The following BRD7 variants were observed in gnomAD, a reference collection of about 807,000 sequenced individuals.
The protein encoded by BRD7 is bromodomain-containing protein 7.
Under a neutral mutation model 82.1 loss-of-function variants are expected in BRD7, and 15 were observed. The ratio of observed to expected loss-of-function variants is 0.18; its 90% CI spans 0.12 to 0.28. BRD7 has a LOEUF of 0.28. Ranked by LOEUF, BRD7 falls within the 10% of genes least tolerant of loss-of-function variation. The pLI is 1.00. For synonymous variants in BRD7, 232 were observed against 266.9 expected (o/e 0.87, Z 1.27); for missense variants, 638 against 779.9 (o/e 0.82, Z 2.17).
Position 50,360,110 on chromosome 16 carries a change from C to T in BRD7, c.259-5188G>A, listed in dbSNP as rs2038884269. On this transcript the variant is annotated intron_variant, in intron 2 of 16. Coordinates refer to ENST00000394688, the MANE Select transcript of BRD7 (RefSeq NM_013263.5). ...AACACTCACCGAACCACATTATTCA[C>T]TCAACAAATGACATTTGCCTGTTCT... is the stretch of plus-strand genomic sequence containing the variant. Among the ~76,000 whole-genome samples the T allele has an allele frequency of 2.6e-5, 4 of 152,342 alleles. No homozygotes were observed. The South Asian group carries it at 8.3e-4, about 32-fold the overall frequency.
intron 6 of BRD7, among the ~76,000 whole-genome samples, chr16:50,338,052 C>T (rs1033528776): frequency 6.6e-6 from 1 of 152,104 alleles, no homozygotes; most frequent in African/African-American, 2.4e-5. Flanking sequence ...AATCAAAGGT[C>T]ATTAAAAATT....
At chr16:50,347,042 C>T (rs1292389827) in intron 5 of BRD7, among the ~76,000 whole-genome samples, 3 of 152,188 alleles carry the variant, frequency 2.0e-5, no homozygotes, top group Non-Finnish European at 4.4e-5. Context: ...TCCAGCAGCA[C>T]ATCAAAAAGC....
intron 2 of BRD7, among the ~76,000 whole-genome samples, chr16:50,361,341 T>G (rs971912647): frequency 1.1e-4 from 16 of 152,224 alleles, no homozygotes; most frequent in African/African-American, 3.9e-4. Flanking sequence ...TTAATGCTTT[T>G]GAGTAAAAAA....
chr16:50,332,174 G>T (rs907224614), intron 8 of BRD7, among the ~76,000 whole-genome samples: 1 of 152,154 alleles, frequency 6.6e-6, no homozygotes, highest in Non-Finnish European at 1.5e-5. Context: ...AACAGCCAAA[G>T]AAACTATCAA....
chr16:50,322,971 A>AGTCACC (rs2037182282), intron 12 of BRD7, among the ~76,000 whole-genome samples: 1 of 152,202 alleles, frequency 6.6e-6, no homozygotes, highest in South Asian at 2.1e-4. Context: ...CTACAGTCAC[A>AGTCACC]GTCACCATTA....
chr16:50,318,063 C>CTGTT lies in BRD7; in HGVS notation c.*1144_*1147dup. On this transcript the variant is annotated 3_prime_UTR_variant, in exon 17 of 17. Transcript: ENST00000394688. ...GATCTGTAACATTTGTTTCAAAATGCTGTTTCATTTTTATAAAGTACCAGT... is the reference window on the plus strand; with the variant it reads ...GATCTGTAACATTTGTTTCAAAATGCTGTTTGTTTCATTTTTATAAAGTACCAGT... The CTGTT allele has an allele frequency of 6.6e-6, 1 of 152,338 alleles. No homozygotes were observed. The highest frequency in any genetic ancestry group is 2.4e-5 in the African/African-American group (1 of 41,550). 9.4% of individuals were successfully genotyped at this position (152,338 alleles called of 1,614,324 possible). A position where few individuals can be genotyped will look rare whatever the true frequency, so the allele number is the denominator to read the frequency against.
intron 2 of BRD7, among the ~76,000 whole-genome samples, chr16:50,366,568 G>A (rs968008200): frequency 1.3e-5 from 2 of 152,184 alleles, no homozygotes; most frequent in Non-Finnish European, 2.9e-5. Context: ...TAATTGTGAT[G>A]TACCTATACC....
rs777122700 is a variant in BRD7 at position 50,320,769 on chromosome 16, T to C, written c.1506A>G (p.Thr502=). 2 of 1,612,024 alleles carry C rather than the reference T, an allele frequency of 1.2e-6. No homozygotes were observed. Among genetic ancestry groups the C allele is most frequent in the South Asian group, 2.2e-5 (2 of 91,048 alleles). ...TLDTAKEMEI[T]EVEPPGRLDS... ...CCAAACGCCCTGGTGGCTCTACTTC[T>C]GTAATCTGCTTCAAAAGGAAAAACA... Residue 502 remains threonine, a synonymous_variant, in exon 14 of 17, where the codon ACA becomes ACG. Coordinates refer to ENST00000394688, the MANE Select transcript of BRD7 (RefSeq NM_013263.5).
At position 50,368,450 on chromosome 16, in the gene BRD7, G is replaced by A. The variant is rs1041832210; in HGVS notation, c.50-152C>T. The A allele has an allele frequency of 6.5e-6, 6 of 917,222 alleles. No individual in the cohort carries two copies. The South Asian group carries it at 7.1e-5, about 11-fold the overall frequency. The allele number at this position is 917,222 out of a possible 1,614,324, so 56.8% of individuals were successfully genotyped here. On this transcript the variant is annotated intron_variant, in intron 1 of 16. Transcript: ENST00000394688. ...CCTGTTGAATGACGGACCCCGGCCC[G>A]GGGGTGCGGCGGCGCCGCCCGCCCC...
chr16:50,339,326 A>T, intron 6 of BRD7, among the ~76,000 whole-genome samples: 1 of 152,356 alleles, frequency 6.6e-6, no homozygotes, highest in Non-Finnish European at 1.5e-5. Context: ...ACCATCAATG[A>T]GTACACTCAC....
At chr16:50,342,190 C>T (rs917908596) in intron 5 of BRD7, among the ~76,000 whole-genome samples, 1 of 151,874 alleles carries the variant, frequency 6.6e-6, no homozygotes, top group Admixed American at 6.6e-5. Flanking sequence ...AAACAAAAAA[C>T]AAAAAACTGT....
intron 8 of BRD7, 137 bp downstream of exon 8, chr16:50,333,437 G>A (rs1379936126): frequency 1.8e-6 from 2 of 1,105,384 alleles, no homozygotes; most frequent in African/African-American, 3.1e-5. Flanking sequence ...ATTATTAATT[G>A]TTTTTCTGCT....
Position 50,323,682 on chromosome 16 carries a change from C to T in BRD7, c.1348G>A (p.Ala450Thr), listed in dbSNP as rs2037216011. 1.1e-5 allele frequency: 17 copies of T among 1,613,656 alleles called. No homozygotes were observed. The highest frequency in any genetic ancestry group is 1.4e-5 in the Non-Finnish European group (17 of 1,179,658). Residue 450 changes from alanine to threonine, a missense_variant, in exon 12 of 17, where the codon GCC becomes ACC. This residue lies in a region of BRD7 where 402 missense variants were observed against 500.8 expected (regional missense o/e 0.80). Transcript: ENST00000394688. The stretch of plus-strand genomic sequence containing the variant: ...ACATACGGATAATCTTGGCACGTGG[C>T]CAAAAACTCATGGATGCTGCAAGAG... Reference protein sequence around the residue: ...PSDFSIHEFLATCQDYPYVMA... With the variant: ...PSDFSIHEFLTTCQDYPYVMA...
At chr16:50,319,445 A>ATCTT (rs1284323255) in intron 16 of BRD7, among the ~76,000 whole-genome samples, 179 bp from the exon 17 acceptor site, 7 of 152,226 alleles carry the variant, frequency 4.6e-5, no homozygotes, top group East Asian at 1.9e-4. Context: ...CACACAGGAA[A>ATCTT]TCTTTATTAA....
intron 16 of BRD7, 134 bp downstream of exon 16, chr16:50,319,753 A>G (rs1184986829): frequency 3.6e-6 from 4 of 1,104,214 alleles, no homozygotes; most frequent in Non-Finnish European, 5.2e-6. Flanking sequence ...TAGGGACTTG[A>G]GCATCTACAG....
At chr16:50,368,022 T>C in intron 2 of BRD7, 68 bp downstream of exon 2, 1 of 1,425,388 alleles carries the variant, frequency 7.0e-7, no homozygotes, top group Non-Finnish European at 9.8e-7. Flanking sequence ...ACAAAGAAAA[T>C]AAAATGAGGT....
intron 2 of BRD7, among the ~76,000 whole-genome samples, chr16:50,358,806 A>G (rs2038837730): frequency 6.6e-6 from 1 of 152,244 alleles, no homozygotes; most frequent in Admixed American, 6.5e-5. Flanking sequence ...AAAAAAGAAT[A>G]TAAAAACATA....
chr16:50,327,092 A>T (rs1040313912), intron 9 of BRD7, among the ~76,000 whole-genome samples: 1 of 152,238 alleles, frequency 6.6e-6, no homozygotes, highest in Non-Finnish European at 1.5e-5. Context: ...AAGCAACTGA[A>T]CATCTAAATC....
intron 10 of BRD7, 135 bp downstream of exon 10, chr16:50,326,144 TAATAA>T: frequency 1.3e-6 from 1 of 752,250 alleles, no homozygotes; most frequent in Non-Finnish European, 2.2e-6. Context: ...CTTCTGAAGT[TAATAA>T]AATAGCTAAT....
Sources: allele counts gnomAD v4.1 joint callset (sites outside exome capture counted in the v4.1 genomes callset), GRCh38; gene constraint gnomAD v4.1.1; regional missense constraint gnomAD v4.1.1; transcripts MANE v1.5; gene names NCBI Gene and HGNC (gene_info 2026-07-23, HGNC 2026-07-21).